The following XNDC1N variants were observed in gnomAD, a reference collection of about 807,000 sequenced individuals.
XNDC1N encodes the protein protein XNDC1N.
the XNDC1N span, among the ~76,000 whole-genome samples, chr11:71,891,569 A>G: frequency 1.3e-5 from 2 of 152,134 alleles, no homozygotes; most frequent in Non-Finnish European, 1.5e-5. Context: ...ACAGAGAAAG[A>G]TACCACACCG....
chr11:71,915,276 G>A, the XNDC1N span, among the ~76,000 whole-genome samples: 1 of 152,036 alleles, frequency 6.6e-6, no homozygotes, highest in Admixed American at 6.6e-5. Context: ...GTGAAACCCT[G>A]TCTCTACTAA....
the XNDC1N span, among the ~76,000 whole-genome samples, chr11:71,888,327 C>T: frequency 9.2e-5 from 14 of 152,270 alleles, 1 homozygote; most frequent in African/African-American, 3.1e-4. Flanking sequence ...TGAGAGAATT[C>T]TTAGGAGCTG....
the XNDC1N span, among the ~76,000 whole-genome samples, chr11:71,891,327 C>G: frequency 6.6e-6 from 1 of 151,754 alleles, no homozygotes. Flanking sequence ...TCCTCTCTCC[C>G]TCTGAAAATA....
chr11:71,889,016 C>T, the XNDC1N span, among the ~76,000 whole-genome samples: 3 of 152,164 alleles, frequency 2.0e-5, no homozygotes, highest in East Asian at 1.9e-4. Context: ...CTTCTTCAAC[C>T]CCCAAGGAGA....
At chr11:71,917,915 G>A in the XNDC1N span, 2 of 603,394 alleles carry the variant, frequency 3.3e-6, no homozygotes, top group Admixed American at 2.8e-5. Flanking sequence ...GTCCCACAGG[G>A]AGCCAGTAAC....
At chr11:71,882,424 T>C in the XNDC1N span, among the ~76,000 whole-genome samples, 1 of 152,154 alleles carries the variant, frequency 6.6e-6, no homozygotes, top group Non-Finnish European at 1.5e-5. Flanking sequence ...AGAGACTGGG[T>C]TTCACTAGTT....
chr11:71,922,017 G>A, the XNDC1N span, among the ~76,000 whole-genome samples: 1 of 152,058 alleles, frequency 6.6e-6, no homozygotes, highest in African/African-American at 2.4e-5. Flanking sequence ...AAAATTAGCT[G>A]GGCATGGTGG....
At chr11:71,887,358 C>T in the XNDC1N span, among the ~76,000 whole-genome samples, 2 of 152,152 alleles carry the variant, frequency 1.3e-5, no homozygotes, top group Admixed American at 6.5e-5. Context: ...CGGGAAGGGA[C>T]TTGCTCAGCA....
chr11:71,904,380 T>A, the XNDC1N span, among the ~76,000 whole-genome samples: 11,095 of 152,140 alleles, frequency 0.073, 650 homozygotes, highest in African/African-American at 0.16. Flanking sequence ...AGTCATATTT[T>A]CCCTGGATAT....
chr11:71,917,614 T>A, the XNDC1N span: 1 of 703,690 alleles, frequency 1.4e-6, no homozygotes, highest in Non-Finnish European at 2.6e-6. Context: ...GCTTTTGCCC[T>A]CTTTACCATC....
chr11:71,898,940 T>A, the XNDC1N span, among the ~76,000 whole-genome samples: 1 of 151,208 alleles, frequency 6.6e-6, no homozygotes, highest in Non-Finnish European at 1.5e-5. Flanking sequence ...TATTTTCCCA[T>A]AATAAAAGAT....
chr11:71,921,031 G>C, the XNDC1N span, among the ~76,000 whole-genome samples: 2 of 151,932 alleles, frequency 1.3e-5, no homozygotes, highest in African/African-American at 4.8e-5. Flanking sequence ...CTTGCCCAGG[G>C]TGGAGTGTAG....
At chr11:71,928,569 G>C in the XNDC1N span, 1 of 702,582 alleles carries the variant, frequency 1.4e-6, no homozygotes, top group Non-Finnish European at 2.6e-6. Flanking sequence ...GGCAGGTGCT[G>C]CAGCCAGGAA....
the XNDC1N span, among the ~76,000 whole-genome samples, chr11:71,890,173 G>A: frequency 4.6e-5 from 7 of 152,120 alleles, no homozygotes; most frequent in African/African-American, 1.7e-4. Context: ...TTGAGGGAAT[G>A]TTATCCTCTC....
At chr11:71,884,472 G>A in the XNDC1N span, 1 of 1,610,374 alleles carries the variant, frequency 6.2e-7, no homozygotes, top group Non-Finnish European at 8.5e-7. Flanking sequence ...GAAGTGCAAT[G>A]CTGATGAACA....
At chr11:71,900,136 TCTC>T in the XNDC1N span, among the ~76,000 whole-genome samples, 1 of 152,174 alleles carries the variant, frequency 6.6e-6, no homozygotes, top group Non-Finnish European at 1.5e-5. Context: ...TTGCTGACCT[TCTC>T]CTTATTATCA....
At chr11:71,904,708 C>A in the XNDC1N span, among the ~76,000 whole-genome samples, 2 of 152,004 alleles carry the variant, frequency 1.3e-5, no homozygotes, top group East Asian at 1.9e-4. Context: ...ATGACACAGG[C>A]GGTTGACACA....
chr11:71,927,370 A>C, the XNDC1N span, among the ~76,000 whole-genome samples: 2 of 152,068 alleles, frequency 1.3e-5, no homozygotes, highest in African/African-American at 4.8e-5. Context: ...TAAAAATATG[A>C]AATTTCCCCA....
At chr11:71,917,839 G>A in the XNDC1N span, 6 of 685,240 alleles carry the variant, frequency 8.8e-6, no homozygotes, top group African/African-American at 1.1e-4. Context: ...AAGGAATACG[G>A]TGGAAGGAGG....
Sources: allele counts gnomAD v4.1 joint callset (sites outside exome capture counted in the v4.1 genomes callset), GRCh38; gene constraint gnomAD v4.1.1; transcripts MANE v1.5; gene names NCBI Gene and HGNC (gene_info 2026-07-23, HGNC 2026-07-21).